The following BABAM2 variants were observed in gnomAD, a reference collection of about 807,000 sequenced individuals.
BABAM2 encodes BRISC and BRCA1-A complex member 2.
A neutral mutation model predicts 54.7 loss-of-function variants in BABAM2; 31 were observed. The observed-to-expected ratio is 0.57, with a 90% CI of 0.43 to 0.77. The LOEUF (loss-of-function observed/expected upper bound fraction) is 0.77. Ranked by LOEUF, BABAM2 falls within the 30% of genes least tolerant of loss-of-function variation. The pLI, the probability that BABAM2 is intolerant of heterozygous loss-of-function variation, is 0.00. For missense variants in BABAM2, 364 were observed against 455.8 expected (o/e 0.80, Z 1.83); for synonymous variants, 167 against 162.9 (o/e 1.03, Z -0.19).
At chr2:28,236,114 AG>A (rs1340211643) in intron 7 of BABAM2, among the ~76,000 whole-genome samples, 1 of 152,230 alleles carries the variant, frequency 6.6e-6, no homozygotes, top group Non-Finnish European at 1.5e-5. Context: ...AAGGGATTTT[AG>A]GGATTTTTAA....
chr2:28,189,116 A>G (rs1002517596), intron 7 of BABAM2, among the ~76,000 whole-genome samples: 5 of 151,892 alleles, frequency 3.3e-5, no homozygotes, highest in Admixed American at 2.6e-4. Context: ...CAGGAGAATC[A>G]CTTGAACCTG....
chr2:28,091,616 A>G (rs937148524), intron 6 of BABAM2, among the ~76,000 whole-genome samples: 1 of 152,220 alleles, frequency 6.6e-6, no homozygotes, highest in African/African-American at 2.4e-5. Flanking sequence ...TGAACTGAAA[A>G]TAATAATAAA....
chr2:27,974,516 A>G (rs1238867570), intron 3 of BABAM2, among the ~76,000 whole-genome samples: 2 of 152,180 alleles, frequency 1.3e-5, no homozygotes, highest in Non-Finnish European at 2.9e-5. Context: ...GTATGATCAT[A>G]TCAATGGATG....
intron 11 of BABAM2, among the ~76,000 whole-genome samples, chr2:28,336,818 G>C (rs58442800): frequency 6.6e-6 from 1 of 152,378 alleles, no homozygotes; most frequent in South Asian, 2.1e-4. Flanking sequence ...GTCAGATTGC[G>C]TGGGGCTCTT....
chr2:28,299,252 A>G (rs1687929011), intron 11 of BABAM2, among the ~76,000 whole-genome samples: 4 of 152,242 alleles, frequency 2.6e-5, no homozygotes, highest in Admixed American at 2.0e-4. Flanking sequence ...GTTTAGAGGT[A>G]CAACTATTGC....
intron 3 of BABAM2, among the ~76,000 whole-genome samples, chr2:27,939,526 T>C (rs775972726): frequency 1.3e-5 from 2 of 152,268 alleles, no homozygotes; most frequent in African/African-American, 2.4e-5. Flanking sequence ...TGGCATTCTG[T>C]TGTATCAGCC....
In BABAM2 at chr2:28,102,893, A is replaced by G. The variant is rs562523436; in HGVS notation, c.571-26378A>G. On this transcript the variant is annotated intron_variant, in intron 6 of 11. Coordinates refer to ENST00000379624, the MANE Select transcript of BABAM2 (RefSeq NM_199191.3). ...AAACATAACTGCATTGAGTTTTCTT[A>G]TAAGTTCCTATGTTAAAATAATGAT... Among the ~76,000 whole-genome samples the G allele has an allele frequency of 6.0e-4, 91 of 152,312 alleles. 2 individuals carry two copies. The highest frequency in any genetic ancestry group is 2.0e-3 in the African/African-American group (85 of 41,574).
At chr2:28,038,459 G>A (rs1676823867) in intron 5 of BABAM2, among the ~76,000 whole-genome samples, 1 of 152,140 alleles carries the variant, frequency 6.6e-6, no homozygotes, top group Non-Finnish European at 1.5e-5. Context: ...TAAGGTTTTG[G>A]TTTCTATTGA....
chr2:28,136,133 T>C (rs1298532999), intron 7 of BABAM2, among the ~76,000 whole-genome samples: 1 of 152,186 alleles, frequency 6.6e-6, no homozygotes, highest in Admixed American at 6.5e-5. Context: ...CTTGTATTTT[T>C]TTCACTTCCA....
At chr2:28,211,973 AG>A (rs1283479657) in intron 7 of BABAM2, among the ~76,000 whole-genome samples, 1 of 152,118 alleles carries the variant, frequency 6.6e-6, no homozygotes. Context: ...CTATAGCATT[AG>A]ATTTTTTTTT....
At chr2:28,184,557 C>T (rs1676072583) in intron 7 of BABAM2, among the ~76,000 whole-genome samples, 1 of 149,888 alleles carries the variant, frequency 6.7e-6, no homozygotes, top group Non-Finnish European at 1.5e-5. Flanking sequence ...CAGTTCCCAC[C>T]TACGAGTAAG....
chr2:27,900,967 C>T (rs983002647), intron 2 of BABAM2, among the ~76,000 whole-genome samples: 3 of 149,270 alleles, frequency 2.0e-5, no homozygotes, highest in South Asian at 4.2e-4. Context: ...GGCGTGAACC[C>T]GGGAGGTGGA....
intron 10 of BABAM2, among the ~76,000 whole-genome samples, chr2:28,250,147 A>C (rs1683307281): frequency 6.6e-6 from 1 of 151,920 alleles, no homozygotes; most frequent in African/African-American, 2.4e-5. Flanking sequence ...AAGACCTCCT[A>C]TAGAGGGTGA....
chr2:28,166,801 T>TAG (rs1181984647), intron 7 of BABAM2, among the ~76,000 whole-genome samples: 2 of 152,204 alleles, frequency 1.3e-5, no homozygotes, highest in Non-Finnish European at 2.9e-5. Context: ...TGATTTCTCT[T>TAG]ACGCTGTTTA....
At chr2:28,075,895 A>G (rs751394732) in intron 6 of BABAM2, among the ~76,000 whole-genome samples, 2 of 151,826 alleles carry the variant, frequency 1.3e-5, no homozygotes, top group Non-Finnish European at 2.9e-5. Context: ...TTTATATTGT[A>G]TATGTTATAT....
At chr2:27,958,911 C>T (rs756637591) in intron 3 of BABAM2, among the ~76,000 whole-genome samples, 3 of 152,042 alleles carry the variant, frequency 2.0e-5, no homozygotes, top group Non-Finnish European at 4.4e-5. Flanking sequence ...GCTCTGTGTT[C>T]GTGAGTTCTG....
intron 7 of BABAM2, among the ~76,000 whole-genome samples, chr2:28,228,310 C>T (rs1200681909): frequency 6.6e-6 from 1 of 152,188 alleles, no homozygotes; most frequent in East Asian, 1.9e-4. Context: ...CTTCTGTGTC[C>T]TGGAAAGGCA....
intron 6 of BABAM2, among the ~76,000 whole-genome samples, chr2:28,079,517 G>T (rs1450756773): frequency 6.6e-6 from 1 of 152,100 alleles, no homozygotes; most frequent in Non-Finnish European, 1.5e-5. Context: ...GCTTACTAAA[G>T]AAAAGTTTTA....
intron 10 of BABAM2, among the ~76,000 whole-genome samples, chr2:28,248,893 TA>T (rs1683158809): frequency 6.6e-6 from 1 of 152,156 alleles, no homozygotes; most frequent in African/African-American, 2.4e-5. Flanking sequence ...CTGAGTTTAC[TA>T]AGAACCTACT....
Sources: gnomAD v4.1 joint callset for allele counts (sites outside exome capture counted in the v4.1 genomes callset) on GRCh38, gnomAD v4.1.1 for gene constraint, MANE v1.5 for transcripts, NCBI Gene and HGNC (gene_info 2026-07-23, HGNC 2026-07-21) for gene names.